HDAC1: variants seen among roughly 807,000 people sequenced by gnomAD.
HDAC1 encodes the protein histone deacetylase 1.
HDAC1 carries 18 observed loss-of-function variants against 65.5 expected under a neutral mutation model. The observed-to-expected ratio is 0.27, with a 90% confidence interval of 0.19 to 0.41. HDAC1 has a LOEUF of 0.41. Ranked by LOEUF, HDAC1 falls within the 10% of genes least tolerant of loss-of-function variation. The pLI is 1.00. For synonymous variants in HDAC1, 211 were observed against 227.9 expected (o/e 0.93, Z 0.67); for missense variants, 373 against 625.2 (o/e 0.60, Z 4.30).
intron 1 of HDAC1, among the ~76,000 whole-genome samples, chr1:32,292,594 G>A (rs1396079745): frequency 1.3e-5 from 2 of 151,978 alleles, no homozygotes; most frequent in African/African-American, 2.4e-5. Context: ...TCCCTGCCCC[G>A]TCCCTTCCTC....
At chr1:32,301,440 T>A (rs960358075) in intron 1 of HDAC1, among the ~76,000 whole-genome samples, 1 of 141,234 alleles carries the variant, frequency 7.1e-6, no homozygotes, top group Non-Finnish European at 1.5e-5. Context: ...AGCGAGACTC[T>A]GTCTCAAAAA....
intron 2 of HDAC1, among the ~76,000 whole-genome samples, chr1:32,305,501 TTG>T (rs1340383479): frequency 6.6e-6 from 1 of 152,226 alleles, no homozygotes; most frequent in Non-Finnish European, 1.5e-5. Flanking sequence ...TTCAATTTTG[TTG>T]CTAATTTAGG....
intron 2 of HDAC1, among the ~76,000 whole-genome samples, chr1:32,311,683 G>A (rs1414474030): frequency 6.6e-6 from 1 of 152,184 alleles, no homozygotes; most frequent in Non-Finnish European, 1.5e-5. Context: ...AGCCTGAGTG[G>A]ATGTTGGTAT....
At chr1:32,325,899 T>C (rs1470944771) in intron 4 of HDAC1, among the ~76,000 whole-genome samples, 3 of 152,056 alleles carry the variant, frequency 2.0e-5, no homozygotes, top group African/African-American at 7.2e-5. Context: ...TGGTGGTGTG[T>C]GCCTGTAATC....
chr1:32,332,979 G>C (rs759921776), intron 13 of HDAC1, 38 bp from the exon 14 acceptor site: 2 of 1,611,466 alleles, frequency 1.2e-6, no homozygotes, highest in South Asian at 2.2e-5. Flanking sequence ...GAGGCTCTGG[G>C]CTGGGTCATC....
rs1323498546 is a variant in HDAC1, at chr1:32,329,479, T to C, written c.729+319T>C. The C allele has an allele frequency of 4.6e-6, 2 of 432,340 alleles. No homozygotes were observed. The highest frequency in any genetic ancestry group is 8.5e-6 in the Non-Finnish European group (2 of 235,896). The allele number at this position is 432,340 out of a possible 1,614,324, so 26.8% of individuals were successfully genotyped here. A position where few individuals can be genotyped will look rare whatever the true frequency, so the allele number is the denominator to read the frequency against. On this transcript the variant is annotated intron_variant, in intron 7 of 13. Coordinates refer to ENST00000373548, the MANE Select transcript of HDAC1 (RefSeq NM_004964.3). The surrounding 1 kb of genome is among the most constrained non-coding windows in gnomAD (Gnocchi z 4.1). ...TACTGTTTTTGTATCTCCATTTCTT[T>C]GGGCTGCTGGGAGATTATTGTGTTC...
intron 1 of HDAC1, among the ~76,000 whole-genome samples, chr1:32,299,883 C>T (rs374053543): frequency 1.9e-4 from 29 of 152,068 alleles, no homozygotes; most frequent in African/African-American, 7.0e-4. Flanking sequence ...GGTGAAACCC[C>T]GTCTTTACTA....
intron 2 of HDAC1, among the ~76,000 whole-genome samples, chr1:32,309,190 A>G (rs1640952905): frequency 6.6e-6 from 1 of 152,210 alleles, no homozygotes; most frequent in Non-Finnish European, 1.5e-5. Context: ...GCTTCAAATA[A>G]AGGTAGAACC....
In HDAC1 at chr1:32,328,878, T is replaced by TGATTTGCCAGAGAAGCTA. The variant is rs561669796; in HGVS notation, c.637-180_637-179insAGAAGCTAGATTTGCCAG. 1.7e-3 allele frequency among the ~76,000 whole-genome samples: 255 copies of TGATTTGCCAGAGAAGCTA among 152,266 alleles called. 2 individuals carry two copies. Among genetic ancestry groups the TGATTTGCCAGAGAAGCTA allele is most frequent in the African/African-American group, 5.5e-3 (228 of 41,542 alleles). ...GTAGGCTTAATGCTATGTCCAGAGA[T>TGATTTGCCAGAGAAGCTA]GATTTGCCAGTGAAGCTAGATTTGC... On this transcript the variant is annotated intron_variant, in intron 6 of 13. Coordinates refer to ENST00000373548, the MANE Select transcript of HDAC1 (RefSeq NM_004964.3).
intron 1 of HDAC1, among the ~76,000 whole-genome samples, chr1:32,299,282 TAAGAA>T (rs1640813863): frequency 6.6e-6 from 1 of 151,914 alleles, no homozygotes; most frequent in Non-Finnish European, 1.5e-5. Context: ...TAAAAACTGT[TAAGAA>T]AAGGATGGTT....
At chr1:32,294,212 G>A (rs950631798) in intron 1 of HDAC1, among the ~76,000 whole-genome samples, 1 of 151,936 alleles carries the variant, frequency 6.6e-6, no homozygotes, top group Non-Finnish European at 1.5e-5. Flanking sequence ...GCTTGATCTC[G>A]GCTCACTGCA....
At position 32,327,142 on chromosome 1, in the gene HDAC1, C is replaced by G. The variant is rs1391687531; in HGVS notation, c.494+65C>G. 3.8e-5 allele frequency: 58 copies of G among 1,542,182 alleles called. No homozygotes were observed. The East Asian group carries it at 9.9e-4, about 26-fold the overall frequency. On this transcript the variant is annotated intron_variant, in intron 5 of 13. Coordinates refer to ENST00000373548, the MANE Select transcript of HDAC1 (RefSeq NM_004964.3). This position sits in a 1 kb window ranked among gnomAD's most constrained non-coding sequence, Gnocchi z 6.0. ...GGCCAGGTTCCCATTTCCCTCTTCC[C>G]CTGGGCTTGCCTCCCTAGTTTGCTT...
chr1:32,324,847 C>T (rs544922245), intron 4 of HDAC1, among the ~76,000 whole-genome samples: 4 of 152,160 alleles, frequency 2.6e-5, no homozygotes, highest in East Asian at 3.9e-4. Flanking sequence ...CATGGTGACT[C>T]GTGCCTGTAG....
In HDAC1 at chr1:32,319,264, A is replaced by AATT. The variant is rs1641107516; in HGVS notation, c.280+2484_280+2486dup. Among the ~76,000 whole-genome samples, 3 of 152,278 alleles carry AATT rather than the reference A, an allele frequency of 2.0e-5. No individual in the cohort carries two copies. In the South Asian group the frequency reaches 6.2e-4, roughly 32 times the overall value. On this transcript the variant is annotated intron_variant, in intron 3 of 13. Transcript: ENST00000373548. ...TAAAAAAAATTTTTCTAATTAAAAT[A>AATT]ATTAGGTCTTGGATTTTTCTGTCAT...
intron 2 of HDAC1, among the ~76,000 whole-genome samples, chr1:32,312,129 G>A (rs147984484): frequency 1.3e-5 from 2 of 152,150 alleles, no homozygotes; most frequent in East Asian, 3.9e-4. Flanking sequence ...TACGGTGCAT[G>A]CCACTGCATC....
At chr1:32,332,814 C>A in intron 13 of HDAC1, 65 bp downstream of exon 13, 1 of 1,416,564 alleles carries the variant, frequency 7.1e-7, no homozygotes, top group Non-Finnish European at 9.8e-7. Context: ...TGTCCCACCA[C>A]TCTGAGGAAA....
At position 32,296,594 on chromosome 1, in the gene HDAC1, G is replaced by T. The variant is rs144802817; in HGVS notation, c.49+4376G>T. Among the ~76,000 whole-genome samples, 1,016 of 152,236 alleles carry T rather than the reference G, an allele frequency of 6.7e-3. 11 individuals carry two copies. The highest frequency in any genetic ancestry group is 0.023 in the African/African-American group (944 of 41,532). ...GGATTTCGCCATGTTGCCCAGGCTGGTCTCAAACTCCTGAGCTCAAGTCAT... is the reference window on the plus strand; with the variant it reads ...GGATTTCGCCATGTTGCCCAGGCTGTTCTCAAACTCCTGAGCTCAAGTCAT... On this transcript the variant is annotated intron_variant, in intron 1 of 13. Transcript: ENST00000373548.
chr1:32,325,558 C>T (rs1641205533), intron 4 of HDAC1, among the ~76,000 whole-genome samples: 1 of 152,160 alleles, frequency 6.6e-6, no homozygotes, highest in Non-Finnish European at 1.5e-5. Context: ...ATATACATAT[C>T]ACATATATAT....
rs1202542853 is a variant in HDAC1, at chr1:32,322,338, G to GA, written c.281-2141_281-2140insA. Among the ~76,000 whole-genome samples the GA allele has an allele frequency of 2.0e-4, 30 of 151,686 alleles. 1 individual carries two copies. Among genetic ancestry groups the GA allele is most frequent in the Non-Finnish European group, 2.5e-4 (17 of 67,978 alleles). On this transcript the variant is annotated intron_variant, in intron 3 of 13. Transcript: ENST00000373548. ...GTCACCCAGGCTGGAATGCAGGGGT[G>GA]CAATCTTGGCTCACTGCAACCTCCA... is the stretch of plus-strand genomic sequence containing the variant.
Sources: gnomAD v4.1 joint callset for allele counts (sites outside exome capture counted in the v4.1 genomes callset) on GRCh38, gnomAD v4.1.1 for gene constraint, Gnocchi (gnomAD v3.1) non-coding constraint, MANE v1.5 for transcripts, NCBI Gene and HGNC (gene_info 2026-07-23, HGNC 2026-07-21) for gene names.